The following ARL6 variants were observed in gnomAD, a reference collection of about 807,000 sequenced individuals.
ARL6 encodes ARF like GTPase 6.
Under a neutral mutation model 27.1 loss-of-function variants are expected in ARL6, and 18 were observed. The observed-to-expected ratio is 0.66, with a 90% CI of 0.46 to 0.98. The LOEUF is 0.98. ARL6 is among the 50% of genes least tolerant of loss of function. ARL6 has a pLI of 0.00. For synonymous variants in ARL6, 65 were observed against 72.3 expected (o/e 0.90, Z 0.51); for missense variants, 187 against 214.9 (o/e 0.87, Z 0.81).
rs934864229 is a variant in ARL6 at position 97,801,086 on chromosome 3, C to T, written c.*3037C>T. On this transcript the variant is annotated 3_prime_UTR_variant, in exon 8 of 8. Transcript: ENST00000463745. Reference sequence around the variant, plus strand: ...CTTGCTTATAACTCTGGTGCATGTGCATTAAAATACTATTGCATTGTAACT... The same window carrying T: ...CTTGCTTATAACTCTGGTGCATGTGTATTAAAATACTATTGCATTGTAACT... 1 of 152,142 alleles carries T rather than the reference C, an allele frequency of 6.6e-6. No homozygotes were observed. Among genetic ancestry groups the T allele is most frequent in the Non-Finnish European group, 1.5e-5 (1 of 68,018 alleles). The allele number at this position is 152,142 out of a possible 1,614,324, so 9.4% of individuals were successfully genotyped here.
intron 1 of ARL6, 133 bp from the exon 2 acceptor site, chr3:97,767,948 C>A: frequency 1.3e-6 from 1 of 799,556 alleles, no homozygotes; most frequent in Admixed American, 2.4e-5. Flanking sequence ...TTACTAAGTG[C>A]AAAGCTACAT....
At chr3:97,791,123 C>T (rs2037713263) in intron 6 of ARL6, 1 of 151,998 alleles carries the variant, frequency 6.6e-6, no homozygotes, top group African/African-American at 2.4e-5. Flanking sequence ...AATGGAAGCA[C>T]CCTGTTTTAG....
rs547449179 is a variant in ARL6, at chr3:97,781,745, T to C, written c.254+1062T>C. 2.0e-5 allele frequency among the ~76,000 whole-genome samples: 3 copies of C among 152,220 alleles called. No individual in the cohort carries two copies. In the South Asian group the frequency reaches 6.2e-4, roughly 32 times the overall value. ...ATGGTAATAAAATAAATTCATTAGC[T>C]TCTAATATTGTTAGGACTTCATTTA... is the stretch of plus-strand genomic sequence containing the variant. On this transcript the variant is annotated intron_variant, in intron 4 of 7. Transcript: ENST00000463745.
chr3:97,774,485 C>G (rs1021842756), intron 2 of ARL6, among the ~76,000 whole-genome samples: 1 of 151,860 alleles, frequency 6.6e-6, no homozygotes, highest in African/African-American at 2.4e-5. Flanking sequence ...GGTGGAAAGG[C>G]TGATGGCAGC....
rs1037700149 is a variant in ARL6, at chr3:97,798,342, C to G, written c.*293C>G. On this transcript the variant is annotated 3_prime_UTR_variant, in exon 8 of 8. Transcript: ENST00000463745. ...AAAGTCAGTTATAAGCCATCTCATC[C>G]CATCATAATTTATGATATGTTTAAT... 1 of 266,074 alleles carries G rather than the reference C, an allele frequency of 3.8e-6. No individual in the cohort carries two copies. Among genetic ancestry groups the G allele is most frequent in the African/African-American group, 2.2e-5 (1 of 45,382 alleles). 16.5% of individuals were successfully genotyped at this position (266,074 alleles called of 1,614,324 possible).
chr3:97,787,087 A>C (rs556357914), intron 5 of ARL6, among the ~76,000 whole-genome samples: 1 of 152,214 alleles, frequency 6.6e-6, no homozygotes, highest in African/African-American at 2.4e-5. Context: ...GCCGGTGTAC[A>C]AAATTACCTA....
At chr3:97,795,781 T>A (rs1480421121) in intron 7 of ARL6, among the ~76,000 whole-genome samples, 1 of 152,152 alleles carries the variant, frequency 6.6e-6, no homozygotes, top group Non-Finnish European at 1.5e-5. Context: ...AAATTGAAGG[T>A]TTATTCTCTG....
rs1011336016 is a variant in ARL6 at position 97,787,883 on chromosome 3, G to C, written c.350-107G>C. The C allele has an allele frequency of 1.1e-5, 12 of 1,133,780 alleles. No individual in the cohort carries two copies. In the African/African-American group the frequency reaches 1.9e-4, roughly 18 times the overall value. 70.2% of individuals were successfully genotyped at this position (1,133,780 alleles called of 1,614,324 possible). On this transcript the variant is annotated intron_variant, in intron 5 of 7. Transcript: ENST00000463745. ...TTAAATGTTTCTGTGTGTGTGATAT[G>C]AAAAAAGATAATTGAAAAAAAATTT...
chr3:97,786,677 A>G (rs1391296189), intron 5 of ARL6, among the ~76,000 whole-genome samples: 4 of 152,206 alleles, frequency 2.6e-5, no homozygotes, highest in Non-Finnish European at 5.9e-5. Flanking sequence ...GATAAAGACA[A>G]TGACAGGCAA....
rs77010939 is a variant in ARL6 at position 97,791,763 on chromosome 3, C to G, written c.480-8C>G. On this transcript the variant is annotated splice_region_variant and splice_polypyrimidine_tract_variant and intron_variant, in intron 6 of 7. Transcript: ENST00000463745. Reference sequence around the variant, plus strand: ...AGATGGCTATGTTTCTTATGGATTTCATTTCAGTGCTAGTGATGCCATAAA... The same window carrying G: ...AGATGGCTATGTTTCTTATGGATTTGATTTCAGTGCTAGTGATGCCATAAA... The G allele has an allele frequency of 6.2e-7, 1 of 1,612,986 alleles. No homozygotes were observed. The highest frequency in any genetic ancestry group is 1.1e-5 in the South Asian group (1 of 91,048).
intron 1 of ARL6, chr3:97,766,685 T>G (rs1454738850): frequency 3.3e-5 from 5 of 152,240 alleles, no homozygotes; most frequent in Admixed American, 3.3e-4. Flanking sequence ...CCTCACATCC[T>G]TCAAGGTATG....
rs1282929620 is a variant in ARL6 at position 97,799,911 on chromosome 3, A to G, written c.*1862A>G. The stretch of plus-strand genomic sequence containing the variant: ...TATATCTGCCAGAATAACAATTAAA[A>G]TGATAGAAAAGGCTCTTACTTGGGA... On this transcript the variant is annotated 3_prime_UTR_variant, in exon 8 of 8. Coordinates refer to ENST00000463745, the MANE Select transcript of ARL6 (RefSeq NM_001278293.3). The G allele has an allele frequency of 6.6e-6, 1 of 152,158 alleles. No homozygotes were observed. Among genetic ancestry groups the G allele is most frequent in the Non-Finnish European group, 1.5e-5 (1 of 67,982 alleles). 9.4% of individuals were successfully genotyped at this position (152,158 alleles called of 1,614,324 possible).
intron 2 of ARL6, among the ~76,000 whole-genome samples, chr3:97,774,305 A>C (rs1177033905): frequency 1.3e-5 from 2 of 152,182 alleles, no homozygotes; most frequent in East Asian, 1.9e-4. Context: ...TTTTAGTTAT[A>C]GTTTAGTTAT....
At chr3:97,784,665 A>T (rs2037361514) in intron 4 of ARL6, among the ~76,000 whole-genome samples, 1 of 151,832 alleles carries the variant, frequency 6.6e-6, no homozygotes, top group African/African-American at 2.4e-5. Flanking sequence ...TCATTTTCTC[A>T]TATTCTGATA....
intron 7 of ARL6, 32 bp downstream of exon 7, chr3:97,791,858 T>G: frequency 6.3e-7 from 1 of 1,577,872 alleles, no homozygotes; most frequent in South Asian, 1.1e-5. Flanking sequence ...GTCTTCAGCC[T>G]TTGTTTCCTT....
At chr3:97,795,310 C>G (rs1175498902) in intron 7 of ARL6, among the ~76,000 whole-genome samples, 1 of 152,080 alleles carries the variant, frequency 6.6e-6, no homozygotes, top group Admixed American at 6.6e-5. Context: ...AAATTAGGTA[C>G]TTTTAAAAAG....
intron 2 of ARL6, among the ~76,000 whole-genome samples, chr3:97,776,595 G>A (rs1024759347): frequency 6.6e-6 from 1 of 152,000 alleles, no homozygotes; most frequent in African/African-American, 2.4e-5. Context: ...AGATAGTGAA[G>A]CCTAATTGCT....
chr3:97,780,766 G>T, intron 4 of ARL6, 83 bp downstream of exon 4: 1 of 1,064,670 alleles, frequency 9.4e-7, no homozygotes. Flanking sequence ...ATATGGCTAG[G>T]TTGTTTGGCT....
chr3:97,785,145 T>C lies in ARL6; in HGVS notation c.349+96T>C, dbSNP rs1013504893. 6.5e-6 allele frequency: 6 copies of C among 920,794 alleles called. No homozygotes were observed. In the African/African-American group the frequency reaches 8.3e-5, roughly 13 times the overall value. The allele number at this position is 920,794 out of a possible 1,614,324, so 57.0% of individuals were successfully genotyped here. On this transcript the variant is annotated intron_variant, in intron 5 of 7. Transcript: ENST00000463745. The stretch of plus-strand genomic sequence containing the variant: ...TATTGCTTATACTATGTAATTATCT[T>C]TCATTTAAAATTTTTGAATTTAAAA...
Sources: allele counts gnomAD v4.1 joint callset (sites outside exome capture counted in the v4.1 genomes callset), GRCh38; gene constraint gnomAD v4.1.1; transcripts MANE v1.5; gene names NCBI Gene and HGNC (gene_info 2026-07-23, HGNC 2026-07-21).